The following LRRC4C variants were observed in gnomAD, a reference collection of about 807,000 sequenced individuals.
LRRC4C encodes leucine rich repeat containing 4C.
LRRC4C carries 5 observed loss-of-function variants against 33.6 expected under a neutral mutation model. The ratio of observed to expected loss-of-function variants is 0.15; its 90% CI spans 0.08 to 0.31. The LOEUF is 0.31. LRRC4C is among the 10% of genes least tolerant of loss of function. The pLI, the probability that LRRC4C is intolerant of heterozygous loss-of-function variation, is 1.00. For synonymous variants in LRRC4C, 329 were observed against 302.0 expected (o/e 1.09, Z -0.93); for missense variants, 560 against 796.7 (o/e 0.70, Z 3.58).
chr11:40,823,867 G>A (rs1409074491), intron 2 of LRRC4C, among the ~76,000 whole-genome samples: 1 of 151,724 alleles, frequency 6.6e-6, no homozygotes, highest in Non-Finnish European at 1.5e-5. Context: ...CTTACGCAAA[G>A]ACATCTACAC....
chr11:40,627,988 T>C lies in LRRC4C; in HGVS notation c.-270+20154A>G, dbSNP rs146045051. Among the ~76,000 whole-genome samples, 222 of 152,282 alleles carry C rather than the reference T, an allele frequency of 1.5e-3. 1 individual carries two copies. Among genetic ancestry groups the C allele is most frequent in the African/African-American group, 5.2e-3 (216 of 41,568 alleles). On this transcript the variant is annotated intron_variant, in intron 3 of 6. Transcript: ENST00000528697. ...TCCTTACATTGAAGTTTCAAGTTTA[T>C]CTAAGTTGATTTGAGCATCAAGTCT...
intron 3 of LRRC4C, among the ~76,000 whole-genome samples, chr11:40,381,684 C>G (rs574278246): frequency 6.6e-6 from 1 of 151,996 alleles, no homozygotes; most frequent in Non-Finnish European, 1.5e-5. Context: ...TTTGCTGTAA[C>G]AAAGCCACCT....
At chr11:40,171,146 A>G (rs1860012719) in intron 5 of LRRC4C, among the ~76,000 whole-genome samples, 1 of 152,186 alleles carries the variant, frequency 6.6e-6, no homozygotes, top group South Asian at 2.1e-4. Flanking sequence ...AAAAAATGAA[A>G]AACTCATAAA....
chr11:41,243,516 G>T (rs1167205217), intron 1 of LRRC4C, among the ~76,000 whole-genome samples: 1 of 152,134 alleles, frequency 6.6e-6, no homozygotes, highest in African/African-American at 2.4e-5. Flanking sequence ...TCCCAGATAA[G>T]TATTTCCTTC....
intron 2 of LRRC4C, among the ~76,000 whole-genome samples, chr11:40,888,309 C>T (rs560187212): frequency 1.1e-4 from 17 of 151,824 alleles, no homozygotes; most frequent in African/African-American, 3.9e-4. Context: ...GTTGTATGGG[C>T]TTTCTTATTT....
intron 1 of LRRC4C, among the ~76,000 whole-genome samples, chr11:41,402,501 T>C (rs1954063736): frequency 6.6e-6 from 1 of 152,094 alleles, no homozygotes; most frequent in African/African-American, 2.4e-5. Flanking sequence ...GCCAGTATTG[T>C]GTCAGGGCTC....
intron 2 of LRRC4C, among the ~76,000 whole-genome samples, chr11:40,751,892 A>G (rs938316873): frequency 6.6e-6 from 1 of 152,134 alleles, no homozygotes; most frequent in Non-Finnish European, 1.5e-5. Context: ...CAGGATTTTA[A>G]TGGTAAAAAT....
intron 2 of LRRC4C, among the ~76,000 whole-genome samples, chr11:40,673,903 C>T (rs1331246628): frequency 6.6e-6 from 1 of 152,172 alleles, no homozygotes; most frequent in Non-Finnish European, 1.5e-5. Flanking sequence ...AGTGTTGGTT[C>T]TGCAGGCAAT....
At chr11:40,452,346 C>G (rs1262165007) in intron 3 of LRRC4C, among the ~76,000 whole-genome samples, 1 of 152,100 alleles carries the variant, frequency 6.6e-6, no homozygotes, top group Non-Finnish European at 1.5e-5. Context: ...AAAAAACAAA[C>G]AACCCCATCA....
intron 1 of LRRC4C, among the ~76,000 whole-genome samples, chr11:41,251,638 GC>G (rs1053698671): frequency 6.6e-6 from 1 of 152,166 alleles, no homozygotes; most frequent in African/African-American, 2.4e-5. Context: ...TTGTGAAACA[GC>G]CCGGACTAAT....
intron 3 of LRRC4C, among the ~76,000 whole-genome samples, chr11:40,414,524 T>C (rs1300175698): frequency 1.3e-5 from 2 of 152,124 alleles, no homozygotes; most frequent in African/African-American, 4.8e-5. Context: ...GTAACTGTAA[T>C]GGTTGGTTTG....
intron 1 of LRRC4C, among the ~76,000 whole-genome samples, chr11:41,360,791 G>C (rs117381292): frequency 4.1e-4 from 63 of 152,250 alleles, no homozygotes; most frequent in Non-Finnish European, 8.1e-4. Flanking sequence ...GACCAGAGTA[G>C]AAATAACTCA....
intron 2 of LRRC4C, among the ~76,000 whole-genome samples, chr11:40,746,260 C>T (rs748627341): frequency 4.6e-5 from 7 of 152,104 alleles, no homozygotes; most frequent in Non-Finnish European, 7.4e-5. Flanking sequence ...AACGGCACCG[C>T]TTCAGGAAAG....
intron 2 of LRRC4C, among the ~76,000 whole-genome samples, chr11:40,764,732 G>A (rs78297395): frequency 1.0e-5 from 1 of 95,370 alleles, no homozygotes; most frequent in African/African-American, 3.3e-5. Flanking sequence ...GGCAGCTCAA[G>A]GAGAGAGAAA....
chr11:40,174,493 A>C (rs1860307015), intron 5 of LRRC4C, among the ~76,000 whole-genome samples: 1 of 152,210 alleles, frequency 6.6e-6, no homozygotes, highest in Admixed American at 6.5e-5. Flanking sequence ...GGCTATGAAC[A>C]TCTACCATTG....
intron 6 of LRRC4C, among the ~76,000 whole-genome samples, chr11:40,122,690 C>G (rs1476120114): frequency 6.6e-6 from 1 of 151,792 alleles, no homozygotes; most frequent in Non-Finnish European, 1.5e-5. Context: ...CAGGAATTAC[C>G]TTTTTACAAT....
intron 3 of LRRC4C, among the ~76,000 whole-genome samples, chr11:40,383,667 G>A (rs1948984004): frequency 6.6e-6 from 1 of 151,956 alleles, no homozygotes; most frequent in Non-Finnish European, 1.5e-5. Context: ...TTTTAGAAAT[G>A]TTATTCAGAT....
rs10837587 is a variant in LRRC4C at position 41,154,047 on chromosome 11, G to C, written c.-495-220324C>G. Reference sequence around the variant, plus strand: ...TATATTGTCACCTAGAGCTTGAAACGGTGTAGCCCTGTCAATACTTTCATT... The same window carrying C: ...TATATTGTCACCTAGAGCTTGAAACCGTGTAGCCCTGTCAATACTTTCATT... On this transcript the variant is annotated intron_variant, in intron 1 of 6. Coordinates refer to ENST00000528697, the MANE Select transcript of LRRC4C (RefSeq NM_001258419.2). 2.6e-5 allele frequency among the ~76,000 whole-genome samples: 4 copies of C among 152,062 alleles called. No homozygotes were observed. The East Asian group carries it at 7.7e-4, about 29-fold the overall frequency.
At chr11:40,247,701 G>T (rs1866463761) in intron 4 of LRRC4C, among the ~76,000 whole-genome samples, 1 of 152,060 alleles carries the variant, frequency 6.6e-6, no homozygotes, top group Admixed American at 6.6e-5. Flanking sequence ...CTGTCTCTGA[G>T]GTCTTTGAAG....
Sources: allele counts gnomAD v4.1 joint callset (sites outside exome capture counted in the v4.1 genomes callset), GRCh38; gene constraint gnomAD v4.1.1; transcripts MANE v1.5; gene names NCBI Gene and HGNC (gene_info 2026-07-23, HGNC 2026-07-21).